Variants in TMTC1 observed in about 807,000 individuals in gnomAD.
The protein encoded by TMTC1 is transmembrane O-mannosyltransferase targeting cadherins 1, also known as protein O-mannosyl-transferase TMTC1.
A neutral mutation model predicts 104.8 loss-of-function variants in TMTC1; 73 were observed. That is an observed-to-expected ratio of 0.70 (90% CI 0.58 to 0.85). The LOEUF (loss-of-function observed/expected upper bound fraction) is 0.85, where lower values mean the gene tolerates loss of function less well. Ranked by LOEUF, TMTC1 falls within the 40% of genes least tolerant of loss-of-function variation. The probability of loss-of-function intolerance (pLI) is 0.00; values close to 1 mark genes in which losing one functional copy is unlikely to be tolerated. For synonymous variants in TMTC1, 434 were observed against 428.7 expected, an observed-to-expected ratio of 1.01 and a Z score of -0.15; for missense variants, 1,035 against 1,096.1, an observed-to-expected ratio of 0.94 and a Z score of 0.79.
chr12:29,676,729 GA>G (rs1940739956), intron 5 of TMTC1, among the ~76,000 whole-genome samples: 1 of 152,172 alleles, frequency 6.6e-6, no homozygotes, highest in South Asian at 2.1e-4. Flanking sequence ...TAAAAATCAT[GA>G]TTGATCACCA....
chr12:29,763,163 T>G (rs1256270713), intron 2 of TMTC1, among the ~76,000 whole-genome samples: 2 of 152,228 alleles, frequency 1.3e-5, no homozygotes, highest in East Asian at 3.8e-4. Flanking sequence ...GCAGCCAGTT[T>G]GGAAGAGACA....
intron 5 of TMTC1, among the ~76,000 whole-genome samples, chr12:29,689,260 G>GT (rs35349904): frequency 0.018 from 2,699 of 146,628 alleles, 43 homozygotes; most frequent in African/African-American, 0.051. Flanking sequence ...TAAGCCACTG[G>GT]TTTTTTTTTT....
chr12:29,656,660 T>C (rs956231958), intron 5 of TMTC1, among the ~76,000 whole-genome samples: 4 of 152,224 alleles, frequency 2.6e-5, no homozygotes, highest in African/African-American at 9.6e-5. Context: ...GGATATTCTA[T>C]TCCATCACTT....
At chr12:29,542,538 G>A (rs929392899) in intron 10 of TMTC1, among the ~76,000 whole-genome samples, 4 of 151,986 alleles carry the variant, frequency 2.6e-5, no homozygotes, top group Admixed American at 6.6e-5. Flanking sequence ...ATTCTGGTGC[G>A]TAAAACTCTC....
intron 5 of TMTC1, among the ~76,000 whole-genome samples, chr12:29,716,886 G>C (rs964105099): frequency 6.6e-6 from 1 of 151,948 alleles, no homozygotes; most frequent in Admixed American, 6.6e-5. Context: ...GTGGTGGCGG[G>C]CACCTGTAGT....
intron 6 of TMTC1, among the ~76,000 whole-genome samples, chr12:29,617,908 T>C (rs1209347530): frequency 6.6e-6 from 1 of 152,136 alleles, no homozygotes; most frequent in Admixed American, 6.5e-5. Flanking sequence ...CAGAAGATTA[T>C]AAATACAAGA....
At chr12:29,738,453 G>A (rs933027267) in intron 5 of TMTC1, among the ~76,000 whole-genome samples, 1 of 152,190 alleles carries the variant, frequency 6.6e-6, no homozygotes, top group African/African-American at 2.4e-5. Context: ...GCAGTTAACA[G>A]CTATAGTCTC....
chr12:29,569,594 G>A (rs1945611054), intron 9 of TMTC1, among the ~76,000 whole-genome samples: 1 of 152,146 alleles, frequency 6.6e-6, no homozygotes, highest in African/African-American at 2.4e-5. Flanking sequence ...CAATCTTCCA[G>A]TTACCAAGGA....
At chr12:29,725,982 T>A (rs1942378483) in intron 5 of TMTC1, among the ~76,000 whole-genome samples, 1 of 152,240 alleles carries the variant, frequency 6.6e-6, no homozygotes, top group Non-Finnish European at 1.5e-5. Context: ...CGGCTTCTCC[T>A]AACTGTTTAA....
chr12:29,536,486 T>C (rs1244125394), intron 10 of TMTC1, among the ~76,000 whole-genome samples, 169 bp from the exon 11 acceptor site: 1 of 152,252 alleles, frequency 6.6e-6, no homozygotes, highest in Non-Finnish European at 1.5e-5. Flanking sequence ...TAACAGTTTC[T>C]TTCTGTCTCT....
intron 11 of TMTC1, among the ~76,000 whole-genome samples, chr12:29,528,716 C>T (rs1326041740): frequency 6.6e-6 from 1 of 152,080 alleles, no homozygotes; most frequent in African/African-American, 2.4e-5. Flanking sequence ...AAATTCTCAA[C>T]CTTCTTAATT....
intron 11 of TMTC1, chr12:29,534,506 A>C (rs1338914731): frequency 6.6e-6 from 1 of 152,246 alleles, no homozygotes; most frequent in Non-Finnish European, 1.5e-5. Context: ...ACTATGTAAA[A>C]TGCAATAACT....
At chr12:29,784,015 C>A, upstream of TMTC1, 1 of 171,624 alleles carries the variant, frequency 5.8e-6, no homozygotes, top group Non-Finnish European at 1.2e-5. Flanking sequence ...GCTCTCTCTT[C>A]CACCGCCCCC....
At chr12:29,661,108 A>T (rs924308274) in intron 5 of TMTC1, among the ~76,000 whole-genome samples, 3 of 152,052 alleles carry the variant, frequency 2.0e-5, no homozygotes, top group Non-Finnish European at 4.4e-5. Flanking sequence ...CATCTATTTT[A>T]CTCACTTATA....
intron 10 of TMTC1, among the ~76,000 whole-genome samples, chr12:29,547,153 G>A (rs979031753): frequency 2.6e-5 from 4 of 152,152 alleles, no homozygotes; most frequent in Admixed American, 2.6e-4. Context: ...AAATATTTAT[G>A]CAATGAAGGA....
chr12:29,504,068 A>G lies in TMTC1; in HGVS notation c.*2778T>C, dbSNP rs2136117922. The G allele has an allele frequency of 6.6e-6, 1 of 152,182 alleles. No homozygotes were observed. Among genetic ancestry groups the G allele is most frequent in the African/African-American group, 2.4e-5 (1 of 41,474 alleles). 9.4% of individuals were successfully genotyped at this position (152,182 alleles called of 1,614,324 possible). A position where few individuals can be genotyped will look rare whatever the true frequency, so the allele number is the denominator to read the frequency against. ...CACTGAACTCCATCCTGGGTGACAA[A>G]AAGACAAAGTGGAACTGTGTCTCAA... is the stretch of plus-strand genomic sequence containing the variant. On this transcript the variant is annotated 3_prime_UTR_variant, in exon 18 of 18. Transcript: ENST00000539277.
rs879602127 is a variant in TMTC1, at chr12:29,725,011, G to GTTTTTTTTTTTTTTTTTTTTTTTTTTT, written c.938+26654_938+26655insAAAAAAAAAAAAAAAAAAAAAAAAAAA. Among the ~76,000 whole-genome samples the GTTTTTTTTTTTTTTTTTTTTTTTTTTT allele has an allele frequency of 7.8e-5, 9 of 115,728 alleles. 2 individuals carry two copies. The highest frequency in any genetic ancestry group is 1.5e-4 in the African/African-American group (5 of 32,284). The allele number at this position is 115,728 out of a possible 152,430, so 75.9% of individuals were successfully genotyped here. A position where few individuals can be genotyped will look rare whatever the true frequency, so the allele number is the denominator to read the frequency against. ...CGTAGTTTAGCTATATATCTGCCAA[G>GTTTTTTTTTTTTTTTTTTTTTTTTTTT]TTCTTTTTTTTTTTTTTTTTTTTTT... On this transcript the variant is annotated intron_variant, in intron 5 of 17. Coordinates refer to ENST00000539277, the MANE Select transcript of TMTC1 (RefSeq NM_001193451.2).
chr12:29,565,102 G>T (rs1329125472), intron 9 of TMTC1, among the ~76,000 whole-genome samples: 1 of 152,122 alleles, frequency 6.6e-6, no homozygotes, highest in African/African-American at 2.4e-5. Flanking sequence ...GTGGGGGCTG[G>T]CAAGTCCAAA....
rs1364576489 is a variant in TMTC1, at chr12:29,520,521, A to C, written c.1888+97T>G. On this transcript the variant is annotated intron_variant, in intron 12 of 17. Coordinates refer to ENST00000539277, the MANE Select transcript of TMTC1 (RefSeq NM_001193451.2). ...ATAGTGTGAGCTTCCTGCCAAGCCC[A>C]GTGAATTTTACTTCTGAGGATTATT... The C allele has an allele frequency of 8.7e-6, 9 of 1,029,310 alleles. No individual in the cohort carries two copies. In the East Asian group the frequency reaches 1.9e-4, roughly 22 times the overall value. 63.8% of individuals were successfully genotyped at this position (1,029,310 alleles called of 1,614,324 possible).
Sources: allele counts gnomAD v4.1 joint callset (sites outside exome capture counted in the v4.1 genomes callset), GRCh38; gene constraint gnomAD v4.1.1; transcripts MANE v1.5; gene names NCBI Gene and HGNC (gene_info 2026-07-23, HGNC 2026-07-21).